Variants in GIN1 observed in about 807,000 individuals in gnomAD.
GIN1 encodes the protein gypsy retrotransposon integrase 1.
In GIN1, 41 loss-of-function variants were observed where a neutral mutation model predicts 51.4. That is an observed-to-expected ratio of 0.80 (90% CI 0.62 to 1.04). The LOEUF (loss-of-function observed/expected upper bound fraction) is 1.04. GIN1 is among the 50% of genes least tolerant of loss of function. The probability of loss-of-function intolerance (pLI) is 0.00; values close to 1 mark genes in which losing one functional copy is unlikely to be tolerated. For missense variants in GIN1, 610 were observed against 612.4 expected (o/e 1.00, Z 0.04); for synonymous variants, 222 against 206.5 (o/e 1.07, Z -0.64).
chr5:103,105,963 C>A (rs2151472008), intron 3 of GIN1, among the ~76,000 whole-genome samples: 1 of 152,182 alleles, frequency 6.6e-6, no homozygotes, highest in South Asian at 2.1e-4. Context: ...CCTGAATAGA[C>A]CCACAAACTG....
At chr5:103,115,914 T>C (rs994261704) in intron 1 of GIN1, among the ~76,000 whole-genome samples, 1 of 152,232 alleles carries the variant, frequency 6.6e-6, no homozygotes, top group Non-Finnish European at 1.5e-5. Flanking sequence ...CCAATAAAGA[T>C]ATTATAGTGA....
chr5:103,097,323 T>C lies in GIN1; in HGVS notation c.999A>G (p.Ser333=), dbSNP rs782688806. The part of the protein sequence containing the change: ...ADKIMENKTT[S]LGQMENNNLD... ...TATTGAATAGAATCACCTGGCCCAG[T>C]GAAGTTGTCTTATTCTCCATTATTT... Residue 333 remains serine, a synonymous_variant, in exon 6 of 8, where the codon TCA becomes TCG. Transcript: ENST00000399004. The C allele has an allele frequency of 1.5e-5, 24 of 1,582,444 alleles. No individual in the cohort carries two copies. Among genetic ancestry groups the C allele is most frequent in the East Asian group, 2.2e-5 (1 of 44,692 alleles).
chr5:103,111,358 C>T (rs1787877025), intron 1 of GIN1, among the ~76,000 whole-genome samples: 1 of 152,024 alleles, frequency 6.6e-6, no homozygotes, highest in South Asian at 2.1e-4. Context: ...TACATATAAC[C>T]TCCTGTTATA....
chr5:103,104,942 T>A, intron 3 of GIN1, 96 bp from the exon 4 acceptor site: 1 of 729,140 alleles, frequency 1.4e-6, no homozygotes, highest in Non-Finnish European at 2.2e-6. Flanking sequence ...AAATGGTTAA[T>A]AGGTATACTT....
At chr5:103,116,402 C>T (rs1788030273) in intron 1 of GIN1, among the ~76,000 whole-genome samples, 1 of 152,060 alleles carries the variant, frequency 6.6e-6, no homozygotes, top group African/African-American at 2.4e-5. Context: ...TCAACAAATG[C>T]TGTAACAATT....
At chr5:103,115,467 A>G (rs1278538382) in intron 1 of GIN1, among the ~76,000 whole-genome samples, 1 of 152,206 alleles carries the variant, frequency 6.6e-6, no homozygotes, top group African/African-American at 2.4e-5. Flanking sequence ...TAGTCAGAGT[A>G]GTCAAATACA....
At chr5:103,108,045 C>T (rs2151473433) in intron 2 of GIN1, among the ~76,000 whole-genome samples, 1 of 152,104 alleles carries the variant, frequency 6.6e-6, no homozygotes, top group Non-Finnish European at 1.5e-5. Flanking sequence ...ATAAATATCC[C>T]ACTGCCTTTC....
At chr5:103,095,527 T>G (rs555467624) in intron 7 of GIN1, among the ~76,000 whole-genome samples, 14 of 152,346 alleles carry the variant, frequency 9.2e-5, no homozygotes, top group African/African-American at 2.6e-4. Flanking sequence ...TAAAGTACCC[T>G]AATATTTATC....
intron 4 of GIN1, among the ~76,000 whole-genome samples, chr5:103,104,236 A>G (rs888273776): frequency 2.0e-5 from 3 of 152,168 alleles, no homozygotes; most frequent in South Asian, 2.1e-4. Context: ...TATAGGCATG[A>G]GCCAGGCCCA....
At chr5:103,090,900 A>AACACACACACAC (rs3836842) in intron 7 of GIN1, among the ~76,000 whole-genome samples, 1 of 148,356 alleles carries the variant, frequency 6.7e-6, no homozygotes, top group African/African-American at 2.5e-5. Context: ...GTCACACACG[A>AACACACACACAC]ACACACACAC....
intron 7 of GIN1, among the ~76,000 whole-genome samples, chr5:103,092,647 T>C (rs893001873): frequency 6.6e-5 from 10 of 151,764 alleles, no homozygotes; most frequent in Non-Finnish European, 1.5e-4. Flanking sequence ...TAACTATTGG[T>C]TAAGAAATTA....
Position 103,104,735 on chromosome 5 carries a change from C to T in GIN1, c.445G>A (p.Gly149Arg), listed in dbSNP as rs1554196100. 1 of 1,610,686 alleles carries T rather than the reference C, an allele frequency of 6.2e-7. No individual in the cohort carries two copies. Among genetic ancestry groups the T allele is most frequent in the Admixed American group, 1.7e-5 (1 of 60,016 alleles). ...CTTCTGTTGCTTGTATGAAAAGGCC[C>T]CATCAGATCAACAGTAACTAAACTC... ...PWSLVTVDLM[G>R]PFHTSNRSHV... is the part of the protein sequence containing the mutation. Residue 149 changes from glycine to arginine, a missense_variant, in exon 4 of 8, where the codon GGG becomes AGG. Coordinates refer to ENST00000399004, the MANE Select transcript of GIN1 (RefSeq NM_017676.2).
intron 3 of GIN1, among the ~76,000 whole-genome samples, chr5:103,106,038 T>C (rs1319788112): frequency 6.6e-6 from 1 of 152,116 alleles, no homozygotes; most frequent in Non-Finnish European, 1.5e-5. Flanking sequence ...GCCACTCTTT[T>C]TGATGTACTA....
chr5:103,089,589 T>C (rs1787179428), intron 7 of GIN1, among the ~76,000 whole-genome samples: 2 of 152,118 alleles, frequency 1.3e-5, no homozygotes, highest in African/African-American at 4.8e-5. Flanking sequence ...CCCAAATAGC[T>C]GGGACCATAG....
At chr5:103,089,178 T>C (rs543245792) in intron 7 of GIN1, among the ~76,000 whole-genome samples, 1 of 152,298 alleles carries the variant, frequency 6.6e-6, no homozygotes, top group South Asian at 2.1e-4. Context: ...CAGTGTTTTA[T>C]TGTATGTTGA....
At chr5:103,109,497 C>A (rs782373117) in intron 1 of GIN1, among the ~76,000 whole-genome samples, 187 of 152,206 alleles carry the variant, frequency 1.2e-3, no homozygotes, top group Middle Eastern at 3.4e-3. Flanking sequence ...TTCCCTATGA[C>A]ACAGCTCTTT....
chr5:103,095,786 T>C (rs111642771), intron 7 of GIN1, among the ~76,000 whole-genome samples: 4,810 of 152,170 alleles, frequency 0.032, 112 homozygotes, highest in Middle Eastern at 0.048. Flanking sequence ...TAGCTGGGCA[T>C]GGTGGCATGT....
At chr5:103,092,495 T>C (rs1218635335) in intron 7 of GIN1, among the ~76,000 whole-genome samples, 1 of 152,184 alleles carries the variant, frequency 6.6e-6, no homozygotes, top group Non-Finnish European at 1.5e-5. Flanking sequence ...ACTAAACTAA[T>C]CCTATATATG....
rs1410398385 is a variant in GIN1 at position 103,104,839 on chromosome 5, G to A, written c.341C>T (p.Ala114Val). 2 of 1,582,324 alleles carry A rather than the reference G, an allele frequency of 1.3e-6. No individual in the cohort carries two copies. Among genetic ancestry groups the A allele is most frequent in the African/African-American group, 2.7e-5 (2 of 74,080 alleles). ...VTNDVKQWVY[A>V]CQHCQVAKNT... ...TTTTGCCACTTGGCAATGCTGACAA[G>A]CATATACCTACAACAGGCACACAAT... The change falls in exon 4 of 8, where the codon GCT becomes GTT. Residue 114 changes from alanine to valine, a missense_variant. Physicochemically the swap from Ala to Val is moderately conservative, Grantham distance 64. Transcript: ENST00000399004.
Sources: allele counts gnomAD v4.1 joint callset (sites outside exome capture counted in the v4.1 genomes callset), GRCh38; gene constraint gnomAD v4.1.1; transcripts MANE v1.5; gene names NCBI Gene and HGNC (gene_info 2026-07-23, HGNC 2026-07-21).